The following CHD9 variants were observed in gnomAD, a reference collection of about 807,000 sequenced individuals.
CHD9 encodes the protein ATP-dependent chromatin remodeler CHD9.
In CHD9, 77 loss-of-function variants were observed where a neutral mutation model predicts 316.1. That is an observed-to-expected ratio of 0.24 (90% CI 0.20 to 0.29). CHD9 has a LOEUF of 0.29. CHD9 is among the 10% of genes least tolerant of loss of function. The probability of loss-of-function intolerance (pLI) is 1.00; values close to 1 mark genes in which losing one functional copy is unlikely to be tolerated. For missense variants in CHD9, 2,763 were observed against 3,438.1 expected, an observed-to-expected ratio of 0.80 and a Z score of 4.91; for synonymous variants, 1,129 against 1,158.3, an observed-to-expected ratio of 0.97 and a Z score of 0.51.
chr16:53,193,100 T>C (rs1194800954), intron 2 of CHD9, among the ~76,000 whole-genome samples: 1 of 152,152 alleles, frequency 6.6e-6, no homozygotes, highest in Non-Finnish European at 1.5e-5. Flanking sequence ...CAGCAGCATA[T>C]AGGAGTTCCT....
At chr16:53,298,521 C>T (rs1261574108) in intron 30 of CHD9, 11 of 152,382 alleles carry the variant, frequency 7.2e-5, no homozygotes, top group Admixed American at 7.2e-4. Flanking sequence ...TGGTGTATGG[C>T]TGTGGTCCTG....
chr16:53,194,321 T>A (rs988886184), intron 2 of CHD9, among the ~76,000 whole-genome samples: 2 of 152,130 alleles, frequency 1.3e-5, no homozygotes, highest in African/African-American at 4.8e-5. Context: ...CTCATGCCTA[T>A]AATCCTAGTA....
At chr16:53,134,434 G>T (rs1377907917) in intron 1 of CHD9, among the ~76,000 whole-genome samples, 1 of 152,028 alleles carries the variant, frequency 6.6e-6, no homozygotes, top group Non-Finnish European at 1.5e-5. Context: ...CTAGCACTTT[G>T]TGCCTCTGTT....
chr16:53,307,626 C>T, intron 32 of CHD9, 55 bp from the exon 33 acceptor site: 22 of 1,487,370 alleles, frequency 1.5e-5, no homozygotes, highest in Non-Finnish European at 1.9e-5. Context: ...TATTTGATCT[C>T]CAAAGGTCTG....
intron 12 of CHD9, among the ~76,000 whole-genome samples, chr16:53,239,229 A>G (rs1331895303): frequency 6.6e-6 from 1 of 152,086 alleles, no homozygotes; most frequent in East Asian, 1.9e-4. Context: ...TATCCCTTCT[A>G]AATACATAGA....
In CHD9 at chr16:53,157,440, A is replaced by G. The variant is rs899704113; in HGVS notation, c.1351A>G (p.Met451Val). ...TSHLVTRPSD[M>V]AQTQLQSQAR... ...GCATCTGGTAACACGGCCTTCTGAT[A>G]TGGCTCAGACTCAGTTGCAAAGTCA... Residue 451 changes from methionine (M) to valine (V), a missense_variant, in exon 2 of 39, where the codon ATG becomes GTG. By Grantham distance (21) the Met-to-Val change is conservative (BLOSUM62 1). Around this residue, in one of 15 missense-constraint regions of CHD9, gnomAD observed 859 missense variants for 890.4 expected, o/e 0.96. Coordinates refer to ENST00000447540, the MANE Select transcript of CHD9 (RefSeq NM_001308319.2). 3.8e-5 allele frequency: 61 copies of G among 1,613,996 alleles called. No homozygotes were observed. Among genetic ancestry groups the G allele is most frequent in the Non-Finnish European group, 4.9e-5 (58 of 1,179,884 alleles).
chr16:53,084,653 G>T (rs1359632570), intron 1 of CHD9, among the ~76,000 whole-genome samples: 2 of 152,212 alleles, frequency 1.3e-5, no homozygotes, highest in Non-Finnish European at 2.9e-5. Flanking sequence ...TGAGGCAGGA[G>T]AATGGCTTGA....
intron 1 of CHD9, among the ~76,000 whole-genome samples, chr16:53,144,453 TTTCTCTC>T (rs1297583877): frequency 2.0e-5 from 3 of 152,116 alleles, no homozygotes; most frequent in Non-Finnish European, 4.4e-5. Context: ...GGCAATAAAA[TTTCTCTC>T]TTGGAACCTT....
intron 1 of CHD9, among the ~76,000 whole-genome samples, chr16:53,065,638 TAAAA>T (rs68025976): frequency 3.9e-5 from 4 of 103,408 alleles, no homozygotes; most frequent in Admixed American, 1.1e-4. Context: ...TGTCTTAAAT[TAAAA>T]AAAAAAAAAA....
In CHD9 at chr16:53,324,496, T is replaced by C. The variant is rs2057463490; in HGVS notation, c.8295T>C (p.Gly2765=). The change falls in exon 39 of 39, where the codon GGT becomes GGC. Residue 2765 remains glycine (G), a synonymous_variant. Transcript: ENST00000447540. ...CAGAGAGCCAAAGTTCAGAGAATGG[T>C]GGAGAAAACTCTGTGTCAAGTTCTC... The part of the protein sequence containing the change: ...ERTESQSSEN[G]GENSVSSSPS... 1 of 1,613,926 alleles carries C rather than the reference T, an allele frequency of 6.2e-7. No homozygotes were observed. The highest frequency in any genetic ancestry group is 8.5e-7 in the Non-Finnish European group (1 of 1,179,866).
At chr16:53,218,693 C>G (rs1250869890) in intron 3 of CHD9, among the ~76,000 whole-genome samples, 4 of 152,108 alleles carry the variant, frequency 2.6e-5, no homozygotes, top group Non-Finnish European at 5.9e-5. Context: ...TCAGAATGTG[C>G]ATTCACGTAA....
intron 2 of CHD9, among the ~76,000 whole-genome samples, chr16:53,180,345 C>G (rs982140708): frequency 3.9e-5 from 6 of 152,056 alleles, no homozygotes; most frequent in Non-Finnish European, 8.8e-5. Context: ...TTTAGTTTTT[C>G]CTTCTGGGAA....
At chr16:53,220,050 A>G (rs922401488) in intron 3 of CHD9, among the ~76,000 whole-genome samples, 1 of 152,198 alleles carries the variant, frequency 6.6e-6, no homozygotes, top group East Asian at 1.9e-4. Context: ...GCCTCAAGGG[A>G]GATTTTTATT....
Position 53,307,592 on chromosome 16 carries a change from G to C in CHD9, c.6781-89G>C, listed in dbSNP as rs555718902. The C allele has an allele frequency of 4.2e-6, 5 of 1,195,716 alleles. No homozygotes were observed. In the African/African-American group the frequency reaches 6.1e-5, roughly 15 times the overall value. 74.1% of individuals were successfully genotyped at this position (1,195,716 alleles called of 1,614,324 possible). ...AGCACATACACATATGTTGAACTAG[G>C]GTTAAATCCATAGACTCTTGAGCTA... On this transcript the variant is annotated intron_variant, in intron 32 of 38. Transcript: ENST00000447540.
intron 1 of CHD9, among the ~76,000 whole-genome samples, chr16:53,060,119 G>C (rs2152494752): frequency 6.6e-6 from 1 of 152,312 alleles, no homozygotes; most frequent in Non-Finnish European, 1.5e-5. Context: ...CAAGGAGGGA[G>C]GATTGCTTGG....
chr16:53,146,419 G>GTATGTA lies in CHD9; in HGVS notation c.-164-9504_-164-9503insGTATAT, dbSNP rs59577921. ...AAAAAAAAATTGTGTGTGTGTGTATGTATATATATATATATATAATTAAAA... is the reference window on the plus strand; with the variant it reads ...AAAAAAAAATTGTGTGTGTGTGTATGTATGTATATATATATATATATATAATTAAAA... On this transcript the variant is annotated intron_variant, in intron 1 of 38. Transcript: ENST00000447540. Among the ~76,000 whole-genome samples the GTATGTA allele has an allele frequency of 2.9e-4, 22 of 76,712 alleles. 2 individuals are homozygous for GTATGTA. Among genetic ancestry groups the GTATGTA allele is most frequent in the East Asian group, 1.0e-3 (3 of 2,874 alleles). 50.3% of individuals were successfully genotyped at this position (76,712 alleles called of 152,430 possible). A position where few individuals can be genotyped will look rare whatever the true frequency, so the allele number is the denominator to read the frequency against.
Position 53,274,277 on chromosome 16 carries a change from A to C in CHD9, c.4942A>C (p.Lys1648Gln). ...AGAAGTTATTGGAAATGAGTGTCAG[A>C]AAGTATTTGATGGAGTTGATGCAAG... ...KQEVIGNECQ[K>Q]VFDGVDASDI... The change falls in exon 24 of 39, where the codon AAA becomes CAA. Residue 1648 changes from lysine to glutamine, a missense_variant. This residue lies in a region of CHD9 where 40 missense variants were observed against 39.5 expected (regional missense o/e 1.01). Coordinates refer to ENST00000447540, the MANE Select transcript of CHD9 (RefSeq NM_001308319.2). 6.3e-7 allele frequency: 1 copy of C among 1,594,766 alleles called. No homozygotes were observed. The highest frequency in any genetic ancestry group is 8.5e-7 in the Non-Finnish European group (1 of 1,171,838).
At position 53,108,922 on chromosome 16, in the gene CHD9, G is replaced by A. The variant is rs965960384; in HGVS notation, c.-164-47004G>A. On this transcript the variant is annotated intron_variant, in intron 1 of 38. Coordinates refer to ENST00000447540, the MANE Select transcript of CHD9 (RefSeq NM_001308319.2). ...ATAAAATAAAATAAAATAAAATAAA[G>A]TAATGAAACCTCTGTGTGAATATCT... Among the ~76,000 whole-genome samples the A allele has an allele frequency of 6.3e-4, 94 of 149,434 alleles. 1 individual carries two copies. The highest frequency in any genetic ancestry group is 2.4e-3 in the Admixed American group (36 of 15,128).
At chr16:53,064,742 G>A (rs1175261029) in intron 1 of CHD9, among the ~76,000 whole-genome samples, 2 of 152,218 alleles carry the variant, frequency 1.3e-5, no homozygotes, top group African/African-American at 2.4e-5. Flanking sequence ...GGGAGGCCAA[G>A]GTGGGTGGAT....
Sources: gnomAD v4.1 joint callset for allele counts (sites outside exome capture counted in the v4.1 genomes callset) on GRCh38, gnomAD v4.1.1 for gene constraint, gnomAD v4.1.1 regional missense constraint, MANE v1.5 for transcripts, NCBI Gene and HGNC (gene_info 2026-07-23, HGNC 2026-07-21) for gene names.